Variants in ARHGAP23 observed in about 807,000 individuals in gnomAD.
ARHGAP23 encodes the protein rho GTPase-activating protein 23.
A neutral mutation model predicts 136.3 loss-of-function variants in ARHGAP23; 34 were observed. The observed-to-expected ratio is 0.25, with a 90% CI of 0.19 to 0.33. The LOEUF (loss-of-function observed/expected upper bound fraction) is 0.33, where lower values mean the gene tolerates loss of function less well. ARHGAP23 is among the 10% of genes least tolerant of loss of function. The probability of loss-of-function intolerance (pLI) is 1.00; values close to 1 mark genes in which losing one functional copy is unlikely to be tolerated. For synonymous variants in ARHGAP23, 832 were observed against 920.5 expected (o/e 0.90, Z 1.74); for missense variants, 1,808 against 2,139.0 (o/e 0.85, Z 3.05).
At chr17:38,505,931 A>T (rs1383150346) in intron 23 of ARHGAP23, among the ~76,000 whole-genome samples, 1 of 152,186 alleles carries the variant, frequency 6.6e-6, no homozygotes, top group African/African-American at 2.4e-5. Context: ...TCCGTCTCCA[A>T]AAAAAGAAAA....
intron 1 of ARHGAP23, among the ~76,000 whole-genome samples, chr17:38,441,957 C>T (rs1170793308): frequency 3.3e-5 from 5 of 151,686 alleles, no homozygotes; most frequent in Non-Finnish European, 7.4e-5. Context: ...ACCCCTTTCT[C>T]CCCCACTCCT....
At chr17:38,470,230 C>G (rs1482831866) in intron 10 of ARHGAP23, among the ~76,000 whole-genome samples, 1 of 152,232 alleles carries the variant, frequency 6.6e-6, no homozygotes, top group Non-Finnish European at 1.5e-5. Context: ...GCCTCCGCTC[C>G]TGACATTTCA....
At chr17:38,509,908 G>A (rs977338692) in intron 23 of ARHGAP23, 36 bp from the exon 24 acceptor site, 16 of 1,240,520 alleles carry the variant, frequency 1.3e-5, no homozygotes, top group Admixed American at 1.3e-4. Context: ...GGCCGAGTCC[G>A]GGCGCCCCCC....
chr17:38,430,278 C>G (rs1013102868), intron 1 of ARHGAP23, among the ~76,000 whole-genome samples: 2 of 152,064 alleles, frequency 1.3e-5, no homozygotes, highest in Admixed American at 6.6e-5. Context: ...TGAGGGTAGT[C>G]AGGGCACAAG....
At chr17:38,497,856 G>A (rs1296101513) in intron 21 of ARHGAP23, 30 bp downstream of exon 21, 14 of 1,550,692 alleles carry the variant, frequency 9.0e-6, no homozygotes, top group East Asian at 4.9e-5. Flanking sequence ...GGGCTGGCAT[G>A]GGGGCTGGTC....
intron 14 of ARHGAP23, among the ~76,000 whole-genome samples, chr17:38,480,728 T>A (rs910125471): frequency 1.4e-5 from 2 of 141,442 alleles, no homozygotes; most frequent in African/African-American, 5.3e-5. Flanking sequence ...CACTTGAGCC[T>A]GGGAGGTGGA....
At position 38,428,662 on chromosome 17, in the gene ARHGAP23, GCGCGGGCAC is replaced by G. The variant is rs1006546063; in HGVS notation, c.63+127_63+135del. On this transcript the variant is annotated intron_variant, in intron 1 of 23. Transcript: ENST00000622683. Reference sequence around the variant, plus strand: ...CTGCACAGCCTGGGGCGCACGGTGGGCGCGGGCACCGCGGGCACCGCTGCGGGGAGATTC... The same window carrying G: ...CTGCACAGCCTGGGGCGCACGGTGGGCGCGGGCACCGCTGCGGGGAGATTC... 48 of 693,930 alleles carry G rather than the reference GCGCGGGCAC, an allele frequency of 6.9e-5. 1 individual carries two copies. Among genetic ancestry groups the G allele is most frequent in the East Asian group, 1.8e-4 (5 of 27,298 alleles). The allele number at this position is 693,930 out of a possible 1,614,324, so 43.0% of individuals were successfully genotyped here.
rs537171313 is a variant in ARHGAP23, at chr17:38,469,255, C to G, written c.1760C>G (p.Pro587Arg). Residue 587 changes from proline to arginine, a missense_variant, in exon 8 of 24, where the codon CCG becomes CGG. By Grantham distance (103) the Pro-to-Arg change is moderately radical (BLOSUM62 -2). Coordinates refer to ENST00000622683, the MANE Select transcript of ARHGAP23 (RefSeq NM_001199417.2). ...APVLGTSPSS[P>R]TFTFTLGRHY... ...GTCCTGGGCACCAGCCCATCTTCCC[C>G]GACCTTCACTTTCACCCTCGGACGC... The G allele has an allele frequency of 6.4e-7, 1 of 1,551,598 alleles. No individual in the cohort carries two copies. Among genetic ancestry groups the G allele is most frequent in the Non-Finnish European group, 8.7e-7 (1 of 1,146,842 alleles).
At chr17:38,445,024 G>T (rs998859928) in intron 1 of ARHGAP23, among the ~76,000 whole-genome samples, 7 of 151,852 alleles carry the variant, frequency 4.6e-5, no homozygotes, top group Admixed American at 1.3e-4. Flanking sequence ...CACCATGTTG[G>T]CAAGGCTGGT....
At chr17:38,451,726 G>A (rs1290024267) in intron 1 of ARHGAP23, 1 of 152,350 alleles carries the variant, frequency 6.6e-6, no homozygotes, top group Non-Finnish European at 1.5e-5. Context: ...ACATCTTGAT[G>A]GTGGTTCCAG....
intron 20 of ARHGAP23, among the ~76,000 whole-genome samples, chr17:38,492,493 A>G (rs1329623182): frequency 6.6e-6 from 1 of 152,204 alleles, no homozygotes; most frequent in Non-Finnish European, 1.5e-5. Flanking sequence ...ATGGTCACAC[A>G]GCTAATAAGT....
At chr17:38,491,266 C>T in intron 19 of ARHGAP23, 141 bp from the exon 20 acceptor site, 3 of 1,157,882 alleles carry the variant, frequency 2.6e-6, no homozygotes, top group East Asian at 2.6e-5. Context: ...CATCAAGCAT[C>T]TCCATGCCCA....
chr17:38,432,428 C>T (rs1418042985), intron 1 of ARHGAP23, among the ~76,000 whole-genome samples: 1 of 152,052 alleles, frequency 6.6e-6, no homozygotes, highest in Non-Finnish European at 1.5e-5. Flanking sequence ...ACCTGTAATC[C>T]CAGCACTTTG....
chr17:38,454,739 C>T (rs2039284095), intron 1 of ARHGAP23, among the ~76,000 whole-genome samples: 1 of 152,108 alleles, frequency 6.6e-6, no homozygotes, highest in South Asian at 2.1e-4. Flanking sequence ...GGCGCCATGC[C>T]CGGCCTGAAC....
chr17:38,446,011 A>G (rs989912035), intron 1 of ARHGAP23, among the ~76,000 whole-genome samples: 2 of 113,396 alleles, frequency 1.8e-5, no homozygotes, highest in African/African-American at 7.7e-5. Context: ...GCATGTGTCA[A>G]ATATCTTTCT....
intron 1 of ARHGAP23, chr17:38,453,692 C>T (rs1160733454): frequency 2.0e-5 from 3 of 150,060 alleles, no homozygotes; most frequent in Non-Finnish European, 4.5e-5. Flanking sequence ...GCTCGGGCGC[C>T]TTCAGCCGGG....
chr17:38,448,884 G>A (rs1431856847), intron 1 of ARHGAP23, among the ~76,000 whole-genome samples: 4 of 136,958 alleles, frequency 2.9e-5, no homozygotes, highest in Non-Finnish European at 4.6e-5. Flanking sequence ...TTGAGACCGG[G>A]TCTCACACTG....
chr17:38,471,354 C>T (rs1436010968), intron 10 of ARHGAP23, among the ~76,000 whole-genome samples: 2 of 152,222 alleles, frequency 1.3e-5, no homozygotes, highest in Non-Finnish European at 2.9e-5. Flanking sequence ...GTGATATTGG[C>T]ACCTAGCTTA....
At chr17:38,461,987 C>CT (rs2039470414) in intron 3 of ARHGAP23, among the ~76,000 whole-genome samples, 1 of 152,176 alleles carries the variant, frequency 6.6e-6, no homozygotes, top group East Asian at 1.9e-4. Context: ...GAGTCTTGCT[C>CT]TGTCACCCAG....
Sources: allele counts gnomAD v4.1 joint callset (sites outside exome capture counted in the v4.1 genomes callset), GRCh38; gene constraint gnomAD v4.1.1; transcripts MANE v1.5; gene names NCBI Gene and HGNC (gene_info 2026-07-23, HGNC 2026-07-21).